The following KRT40 variants were observed in gnomAD, a reference collection of about 807,000 sequenced individuals.
KRT40 encodes the protein keratin, type I cytoskeletal 40.
A neutral mutation model predicts 43.5 loss-of-function variants in KRT40; 47 were observed. The ratio of observed to expected loss-of-function variants is 1.08; its 90% confidence interval spans 0.86 to 1.38. KRT40 has a LOEUF of 1.38. Ranked by LOEUF, KRT40 falls within the 40% of genes most tolerant of loss-of-function variation. KRT40 has a pLI of 0.00. For missense variants in KRT40, 573 were observed against 523.6 expected (o/e 1.09, Z -0.92); for synonymous variants, 212 against 214.0 (o/e 0.99, Z 0.08).
At chr17:40,979,770 G>A (rs1019981396) in intron 5 of KRT40, among the ~76,000 whole-genome samples, 17 of 152,152 alleles carry the variant, frequency 1.1e-4, no homozygotes, top group Admixed American at 9.8e-4. Context: ...GATGAAGAGA[G>A]GTTGGTTAAT....
At chr17:40,980,034 T>G (rs903110920) in intron 5 of KRT40, among the ~76,000 whole-genome samples, 1 of 152,118 alleles carries the variant, frequency 6.6e-6, no homozygotes, top group East Asian at 1.9e-4. Context: ...ATATTATATA[T>G]CAATAAAAAT....
chr17:40,981,855 C>T (rs1323541280), intron 3 of KRT40, among the ~76,000 whole-genome samples: 2 of 146,058 alleles, frequency 1.4e-5, no homozygotes, highest in East Asian at 3.9e-4. Context: ...AGTAATAATG[C>T]CTCGAGTAGT....
At position 40,983,045 on chromosome 17, in the gene KRT40, C is replaced by G; in HGVS notation, c.530+1G>C. ...ATAAAATAAAATTAAATTAAACTTA[C>G]TTTGACTTAAAGTCATCAGTGGCCA... is the stretch of plus-strand genomic sequence containing the variant. On this transcript the variant is annotated splice_donor_variant, in intron 2 of 6. Transcript: ENST00000377755. LOFTEE classifies it high-confidence loss of function. The G allele has an allele frequency of 8.1e-7, 1 of 1,228,298 alleles. No homozygotes were observed. Among genetic ancestry groups the G allele is most frequent in the Non-Finnish European group, 1.2e-6 (1 of 845,142 alleles). 76.1% of individuals were successfully genotyped at this position (1,228,298 alleles called of 1,614,324 possible). A position where few individuals can be genotyped will look rare whatever the true frequency, so the allele number is the denominator to read the frequency against.
At position 40,981,231 on chromosome 17, in the gene KRT40, T is replaced by G. The variant is rs1291078751; in HGVS notation, c.688-80A>C. On this transcript the variant is annotated intron_variant, in intron 3 of 6. Coordinates refer to ENST00000377755, the MANE Select transcript of KRT40 (RefSeq NM_001389244.1). ...GACATCCAATGGCATTCTACTTCTG[T>G]TTTTTGGAGCAGTGGGTAAAAGTGT... 1.9e-6 allele frequency: 3 copies of G among 1,605,702 alleles called. No individual in the cohort carries two copies. In the African/African-American group the frequency reaches 4.0e-5, roughly 21 times the overall value.
chr17:40,985,397 A>G (rs1461186772), upstream of KRT40, among the ~76,000 whole-genome samples: 2 of 152,110 alleles, frequency 1.3e-5, no homozygotes, highest in Non-Finnish European at 2.9e-5. Flanking sequence ...AGGATAATCT[A>G]TTTCACTTTG....
Position 40,978,248 on chromosome 17 carries a change from A to G in KRT40, c.1245T>C (p.Cys415=). 1 of 1,614,234 alleles carries G rather than the reference A, an allele frequency of 6.2e-7. No individual in the cohort carries two copies. Among genetic ancestry groups the G allele is most frequent in the Non-Finnish European group, 8.5e-7 (1 of 1,180,030 alleles). The change falls in exon 7 of 7, where the codon TGT becomes TGC. Residue 415 remains cysteine (C), a synonymous_variant. Transcript: ENST00000377755. ...CSTTCTSSNT[C]EPCSAYVICT... ...AGATGACATAGGCTGAGCATGGCTC[A>G]CAAGTGTTGCTCGAGGTGCATGTGG...
chr17:40,982,024 G>T (rs1344213104), intron 3 of KRT40, among the ~76,000 whole-genome samples: 2 of 151,780 alleles, frequency 1.3e-5, no homozygotes, highest in African/African-American at 4.8e-5. Flanking sequence ...GACTACAGGC[G>T]CCTGCCACCA....
At position 40,981,004 on chromosome 17, in the gene KRT40, A is replaced by G. The variant is rs998203634; in HGVS notation, c.835T>C (p.Trp279Arg). ...TGGGTACTGACCTGAACAGCCAACC[A>G]TTCTTCAGCTTCTCTGCGATTGTTG... Reference protein sequence around the residue: ...LANNRREAEEWLAVQTEELNQ... With the variant: ...LANNRREAEERLAVQTEELNQ... The change falls in exon 4 of 7, where the codon TGG becomes CGG. Residue 279 changes from tryptophan to arginine, a missense_variant. Trp to Arg is a moderately radical substitution (Grantham distance 101). Transcript: ENST00000377755. The G allele has an allele frequency of 1.2e-6, 2 of 1,614,236 alleles. No individual in the cohort carries two copies. The highest frequency in any genetic ancestry group is 1.7e-6 in the Non-Finnish European group (2 of 1,180,048).
chr17:40,978,808 T>C lies in KRT40; in HGVS notation c.1192A>G (p.Ser398Gly). Reference protein sequence around the residue: ...TYWGLLDSEDSRLSCSPCSTT... With the variant: ...TYWGLLDSEDGRLSCSPCSTT... ...ATGAGTAACTGTGGAACTTGCCTGC[T>C]GTCCTCGCTGTCCAGCAGGCCCCAG... The change falls in exon 6 of 7, where the codon AGC becomes GGC. Residue 398 changes from serine to glycine, a missense_variant. Physicochemically the swap from Ser to Gly is moderately conservative, Grantham distance 56 (BLOSUM62 0). Coordinates refer to ENST00000377755, the MANE Select transcript of KRT40 (RefSeq NM_001389244.1). 6.2e-7 allele frequency: 1 copy of C among 1,611,568 alleles called. No individual in the cohort carries two copies. The highest frequency in any genetic ancestry group is 8.5e-7 in the Non-Finnish European group (1 of 1,179,398).
chr17:40,979,839 T>C (rs12939933), intron 5 of KRT40, among the ~76,000 whole-genome samples: 58,004 of 151,878 alleles, frequency 0.38, 13,403 homozygotes, highest in African/African-American at 0.66. Flanking sequence ...AGCAGAGAAG[T>C]GTGACTACAG....
chr17:40,978,276 G>C lies in KRT40; in HGVS notation c.1217C>G (p.Ser406Trp). 4 of 1,613,644 alleles carry C rather than the reference G, an allele frequency of 2.5e-6. No homozygotes were observed. The highest frequency in any genetic ancestry group is 3.4e-6 in the Non-Finnish European group (4 of 1,179,708). Residue 406 changes from serine to tryptophan, a missense_variant, in exon 7 of 7, where the codon TCG becomes TGG. Physicochemically the swap from Ser to Trp is radical, Grantham distance 177 (BLOSUM62 -3). Transcript: ENST00000377755. ...EDSRLSCSPC[S>W]TTCTSSNTCE... is the part of the protein sequence containing the mutation. ...AGTGTTGCTCGAGGTGCATGTGGTC[G>C]AACATGGGCTACAGGAAAGCCTGGG...
In KRT40 at chr17:40,981,089, G is replaced by T. The variant is rs1280718241; in HGVS notation, c.750C>A (p.Pro250=). Residue 250 remains proline, a synonymous_variant, in exon 4 of 7, where the codon CCC becomes CCA. Transcript: ENST00000377755. ...DRLSVELDTA[P]TLDLNRVLDE... ...CCAGGACCCTGTTGAGGTCAAGGGT[G>T]GGGGCAGTGTCCAGCTCCACACTGA... 8 of 1,614,110 alleles carry T rather than the reference G, an allele frequency of 5.0e-6. No individual in the cohort carries two copies. Among genetic ancestry groups the T allele is most frequent in the Middle Eastern group, 3.3e-4 (2 of 6,084 alleles).
intron 6 of KRT40, 108 bp downstream of exon 6, chr17:40,978,695 TA>T: frequency 1.1e-6 from 1 of 893,086 alleles, no homozygotes; most frequent in Non-Finnish European, 1.7e-6. Context: ...AGAAGATCCC[TA>T]AACACACTGG....
chr17:40,978,231 T>G lies in KRT40; in HGVS notation c.1262A>C (p.Tyr421Ser). 1.2e-6 allele frequency: 2 copies of G among 1,614,090 alleles called. No homozygotes were observed. Among genetic ancestry groups the G allele is most frequent in the Non-Finnish European group, 1.7e-6 (2 of 1,179,950 alleles). The change falls in exon 7 of 7, where the codon TAT (tyrosine) becomes TCT (serine). Residue 421 changes from tyrosine to serine, a missense_variant. Transcript: ENST00000377755. ...GCAGTTTTCAACAGTGCAGATGACA[T>G]AGGCTGAGCATGGCTCACAAGTGTT... ...SSNTCEPCSA[Y>S]VICTVENCCL is the part of the protein sequence containing the mutation.
At chr17:40,978,404 A>G in intron 6 of KRT40, 108 bp from the exon 7 acceptor site, 1 of 870,628 alleles carries the variant, frequency 1.1e-6, no homozygotes, top group Non-Finnish European at 1.9e-6. Flanking sequence ...TCTGAAAAAA[A>G]CTCTGCACAA....
Position 40,978,234 on chromosome 17 carries a change from G to A in KRT40, c.1259C>T (p.Ala420Val), listed in dbSNP as rs1161128429. ...TSSNTCEPCS[A>V]YVICTVENCC... ...GTTTTCAACAGTGCAGATGACATAG[G>A]CTGAGCATGGCTCACAAGTGTTGCT... Residue 420 changes from alanine to valine, a missense_variant, in exon 7 of 7, where the codon GCC becomes GTC. By Grantham distance (64) the Ala-to-Val change is moderately conservative (BLOSUM62 0). Coordinates refer to ENST00000377755, the MANE Select transcript of KRT40 (RefSeq NM_001389244.1). 1 of 1,613,952 alleles carries A rather than the reference G, an allele frequency of 6.2e-7. No individual in the cohort carries two copies. Among genetic ancestry groups the A allele is most frequent in the Admixed American group, 1.7e-5 (1 of 60,002 alleles).
intron 3 of KRT40, 167 bp from the exon 4 acceptor site, chr17:40,981,318 T>C: frequency 7.8e-7 from 1 of 1,278,930 alleles, no homozygotes; most frequent in South Asian, 1.3e-5. Context: ...GGCCTCAGTT[T>C]CTTCGTCTGT....
chr17:40,984,358 C>T, upstream of KRT40: 2 of 1,033,468 alleles, frequency 1.9e-6, no homozygotes, highest in Non-Finnish European at 2.8e-6. Context: ...GTTTTATAAC[C>T]CCCCAAAATG....
Position 40,978,142 on chromosome 17 carries a change from A to G in KRT40, c.*55T>C, listed in dbSNP as rs1050245556. On this transcript the variant is annotated 3_prime_UTR_variant, in exon 7 of 7. Coordinates refer to ENST00000377755, the MANE Select transcript of KRT40 (RefSeq NM_001389244.1). ...TTTGGATGTCCCTGGTTGAAGCCCC[A>G]TCTCCTTTCTAGGATGCTGCTGGCT... is the stretch of plus-strand genomic sequence containing the variant. 1.5e-6 allele frequency: 2 copies of G among 1,363,836 alleles called. No homozygotes were observed. The highest frequency in any genetic ancestry group is 2.1e-6 in the Non-Finnish European group (2 of 955,812). The allele number at this position is 1,363,836 out of a possible 1,614,324, so 84.5% of individuals were successfully genotyped here. A position where few individuals can be genotyped will look rare whatever the true frequency, so the allele number is the denominator to read the frequency against.
Sources: gnomAD v4.1 joint callset for allele counts (sites outside exome capture counted in the v4.1 genomes callset) on GRCh38, gnomAD v4.1.1 for gene constraint, MANE v1.5 for transcripts, NCBI Gene and HGNC (gene_info 2026-07-23, HGNC 2026-07-21) for gene names.